IL16: variants seen among roughly 807,000 people sequenced by gnomAD.
IL16 encodes the protein pro-interleukin-16.
In IL16, 67 loss-of-function variants were observed where a neutral mutation model predicts 110.1. The observed-to-expected ratio is 0.61, with a 90% CI of 0.50 to 0.75. IL16 has a LOEUF of 0.75. Among genes scored for constraint, IL16 ranks in the 30% least tolerant of loss-of-function variants. The pLI, the probability that IL16 is intolerant of heterozygous loss-of-function variation, is 0.00. For missense variants in IL16, 1,545 were observed against 1,655.0 expected (o/e 0.93, Z 1.15); for synonymous variants, 689 against 662.9 (o/e 1.04, Z -0.61).
At chr15:81,306,248 G>GACC in intron 17 of IL16, 82 bp downstream of exon 17, 3 of 1,545,428 alleles carry the variant, frequency 1.9e-6, no homozygotes, top group African/African-American at 2.7e-5. Context: ...GGGCTACTCA[G>GACC]TAATTTGTGA....
intron 1 of IL16, among the ~76,000 whole-genome samples, chr15:81,198,945 G>GGGA (rs1895701154): frequency 6.8e-6 from 1 of 147,640 alleles, no homozygotes; most frequent in Non-Finnish European, 1.5e-5. Flanking sequence ...GCTTGAACCC[G>GGGA]GGAGGCGGAG....
intron 1 of IL16, among the ~76,000 whole-genome samples, chr15:81,220,597 T>C (rs1026518560): frequency 2.0e-5 from 3 of 152,220 alleles, no homozygotes; most frequent in African/African-American, 7.2e-5. Context: ...TAGGACACTG[T>C]TGGAGAATTC....
At chr15:81,253,258 C>G (rs67117127) in intron 2 of IL16, among the ~76,000 whole-genome samples, 23,010 of 152,072 alleles carry the variant, frequency 0.15, 2,030 homozygotes, top group Middle Eastern at 0.22. Flanking sequence ...CTTCTAGTCT[C>G]TTGTATATCA....
At chr15:81,268,259 C>T (rs1005520884) in intron 4 of IL16, among the ~76,000 whole-genome samples, 5 of 152,306 alleles carry the variant, frequency 3.3e-5, no homozygotes, top group Non-Finnish European at 5.9e-5. Context: ...GCTCGTTATC[C>T]AGGGAATGCT....
rs145510224 is a variant in IL16 at position 81,306,442 on chromosome 15, G to A, written c.3702G>A (p.Thr1234=). Residue 1234 remains threonine (T), a synonymous_variant, in exon 18 of 19, where the codon ACG becomes ACA. Transcript: ENST00000683961. The part of the protein sequence containing the change: ...VESTAEATVC[T]VTLEKMSAGL... ...CAGCAGCAGAGGCCACAGTCTGCAC[G>A]GTGACACTGGAGAAGATGTCGGCAG... The A allele has an allele frequency of 6.2e-6, 10 of 1,614,074 alleles. No individual in the cohort carries two copies. Among genetic ancestry groups the A allele is most frequent in the East Asian group, 2.2e-5 (1 of 44,880 alleles).
intron 1 of IL16, among the ~76,000 whole-genome samples, chr15:81,219,811 G>A (rs1010154471): frequency 3.4e-4 from 52 of 152,168 alleles, no homozygotes; most frequent in African/African-American, 1.2e-3. Flanking sequence ...ACATGATGTT[G>A]GTGCAGGAAA....
chr15:81,193,570 A>G (rs1420294527), upstream of IL16, among the ~76,000 whole-genome samples: 2 of 152,186 alleles, frequency 1.3e-5, no homozygotes, highest in Non-Finnish European at 2.9e-5. Flanking sequence ...GAAAGAAAAA[A>G]AGGCCAGAGA....
At chr15:81,273,390 G>A (rs1251775126) in intron 6 of IL16, among the ~76,000 whole-genome samples, 186 bp downstream of exon 6, 1 of 152,162 alleles carries the variant, frequency 6.6e-6, no homozygotes, top group Non-Finnish European at 1.5e-5. Flanking sequence ...CATTATGACT[G>A]GCAGGTTGGT....
At chr15:81,237,955 A>C (rs1180622390) in intron 2 of IL16, among the ~76,000 whole-genome samples, 1 of 151,964 alleles carries the variant, frequency 6.6e-6, no homozygotes, top group Non-Finnish European at 1.5e-5. Context: ...CCCAGGCTGG[A>C]GTGCAGTGAT....
intron 2 of IL16, among the ~76,000 whole-genome samples, chr15:81,243,661 T>C (rs1306214543): frequency 6.6e-6 from 1 of 152,224 alleles, no homozygotes; most frequent in African/African-American, 2.4e-5. Context: ...TTGATAGAAT[T>C]CTTCAGTAAA....
chr15:81,282,132 G>T (rs1456728377), intron 8 of IL16, among the ~76,000 whole-genome samples: 1 of 152,198 alleles, frequency 6.6e-6, no homozygotes, highest in East Asian at 1.9e-4. Context: ...TGCAGGCTGT[G>T]TCCCTGCCAC....
intron 6 of IL16, among the ~76,000 whole-genome samples, chr15:81,276,726 C>G (rs1002023529): frequency 6.6e-6 from 1 of 152,134 alleles, no homozygotes; most frequent in African/African-American, 2.4e-5. Flanking sequence ...GAAAACTAGT[C>G]CCAAACCAGT....
chr15:81,240,512 A>G (rs1897306554), intron 2 of IL16, among the ~76,000 whole-genome samples: 1 of 152,090 alleles, frequency 6.6e-6, no homozygotes, highest in African/African-American at 2.4e-5. Flanking sequence ...ATCCTCATCA[A>G]TCCTTGATAA....
At chr15:81,278,727 G>A (rs1369119615) in intron 6 of IL16, 90 bp from the exon 7 acceptor site, 16 of 857,852 alleles carry the variant, frequency 1.9e-5, no homozygotes, top group African/African-American at 5.0e-5. Flanking sequence ...ACAAAAAGCC[G>A]GGCAGTTGGG....
intron 18 of IL16, chr15:81,306,782 G>A: frequency 1.8e-6 from 1 of 545,386 alleles, no homozygotes. Flanking sequence ...CTAAGTCCTG[G>A]GCTTGGTTCG....
chr15:81,306,155 C>G lies in IL16; in HGVS notation c.3668C>G (p.Ser1223Cys), dbSNP rs1400521953. Residue 1223 changes from serine (S) to cysteine (C), a missense_variant, in exon 17 of 19, where the codon TCT becomes TGT. Transcript: ENST00000683961. ...AASASAASDV[S>C]VESTAEATVC... is the part of the protein sequence containing the mutation. ...TCAGCCTCTGCAGCCAGTGATGTTT[C>G]TGTAGAATCTAGTAAGTTCTCCCAA... is the stretch of plus-strand genomic sequence containing the variant. 3.1e-6 allele frequency: 5 copies of G among 1,613,830 alleles called. No homozygotes were observed. In the South Asian group the frequency reaches 4.4e-5, roughly 14 times the overall value.
rs8040500 is a variant in IL16 at position 81,311,742 on chromosome 15, G to T, written c.*2944G>T. On this transcript the variant is annotated 3_prime_UTR_variant, in exon 19 of 19. Coordinates refer to ENST00000683961, the MANE Select transcript of IL16 (RefSeq NM_172217.5). ...TATAGAACAGTGCTTGCCACAGAGC[G>T]GGGACTCGGTAAGCACTTAATGAAT... The T allele has an allele frequency of 6.6e-6, 1 of 152,196 alleles. No individual in the cohort carries two copies. Among genetic ancestry groups the T allele is most frequent in the South Asian group, 2.1e-4 (1 of 4,830 alleles). The allele number at this position is 152,196 out of a possible 1,614,324, so 9.4% of individuals were successfully genotyped here. A position where few individuals can be genotyped will look rare whatever the true frequency, so the allele number is the denominator to read the frequency against.
In IL16 at chr15:81,299,466, T is replaced by C. The variant is rs376376308; in HGVS notation, c.2140T>C (p.Trp714Arg). ...YSFDTTAEDP[W>R]VRISDCIKNL... The stretch of plus-strand genomic sequence containing the variant: ...CTTTGATACCACAGCCGAAGACCCT[T>C]GGGTTAGGATTTCTGACTGCATCAA... Residue 714 changes from tryptophan to arginine, a missense_variant, in exon 14 of 19, where the codon TGG (tryptophan) becomes CGG (arginine). Trp to Arg is a moderately radical substitution (Grantham distance 101). Transcript: ENST00000683961. The C allele has an allele frequency of 2.5e-6, 4 of 1,614,166 alleles. No individual in the cohort carries two copies. Among genetic ancestry groups the C allele is most frequent in the Admixed American group, 1.7e-5 (1 of 60,024 alleles).
At chr15:81,185,592 G>A (rs1270284453) in intron 1 of IL16, among the ~76,000 whole-genome samples, 1 of 151,902 alleles carries the variant, frequency 6.6e-6, no homozygotes, top group Non-Finnish European at 1.5e-5. Flanking sequence ...GCCCAGCCTG[G>A]AATTTATTTT....
Sources: gnomAD v4.1 joint callset for allele counts (sites outside exome capture counted in the v4.1 genomes callset) on GRCh38, gnomAD v4.1.1 for gene constraint, MANE v1.5 for transcripts, NCBI Gene and HGNC (gene_info 2026-07-23, HGNC 2026-07-21) for gene names.